ENPP2: variants seen among roughly 807,000 people sequenced by gnomAD.
ENPP2 encodes autotaxin.
In ENPP2, 51 loss-of-function variants were observed where a neutral mutation model predicts 120.2. The ratio of observed to expected loss-of-function variants is 0.42; its 90% CI spans 0.34 to 0.54. The LOEUF is 0.54. Among genes scored for constraint, ENPP2 ranks in the 20% least tolerant of loss-of-function variants. The pLI, the probability that ENPP2 is intolerant of heterozygous loss-of-function variation, is 0.04. For missense variants in ENPP2, 920 were observed against 1,066.5 expected (o/e 0.86, Z 1.91); for synonymous variants, 365 against 366.4 (o/e 1.00, Z 0.04).
intron 19 of ENPP2, among the ~76,000 whole-genome samples, chr8:119,576,647 G>T (rs984586300): frequency 1.8e-4 from 28 of 152,212 alleles, no homozygotes; most frequent in African/African-American, 6.8e-4. Flanking sequence ...TTCTTGCAGT[G>T]AAAATTATAC....
intron 2 of ENPP2, 27 bp downstream of exon 2, chr8:119,638,398 G>T: frequency 8.5e-7 from 1 of 1,178,672 alleles, no homozygotes; most frequent in Non-Finnish European, 1.3e-6. Context: ...TTAAAAAATT[G>T]AAAATGCAAA....
chr8:119,604,966 G>T (rs1814595102), intron 9 of ENPP2, among the ~76,000 whole-genome samples: 2 of 151,926 alleles, frequency 1.3e-5, no homozygotes, highest in African/African-American at 2.4e-5. Context: ...GTAGAGAGGG[G>T]GTTTCACCGT....
intron 1 of ENPP2, among the ~76,000 whole-genome samples, chr8:119,647,722 T>C (rs1358284246): frequency 1.3e-5 from 2 of 152,044 alleles, no homozygotes; most frequent in African/African-American, 2.4e-5. Flanking sequence ...TTGGATTCTG[T>C]GGCCGGGCGC....
intron 1 of ENPP2, among the ~76,000 whole-genome samples, chr8:119,665,014 C>T (rs1818029770): frequency 6.6e-6 from 1 of 152,168 alleles, no homozygotes; most frequent in South Asian, 2.1e-4. Flanking sequence ...GGCTTCACTC[C>T]ATGGCTTGGT....
At chr8:119,621,549 T>G in intron 3 of ENPP2, 30 bp from the exon 4 acceptor site, 1 of 1,608,222 alleles carries the variant, frequency 6.2e-7, no homozygotes, top group Admixed American at 1.7e-5. Context: ...ACATTTTCAC[T>G]GCTGCACACT....
At chr8:119,600,569 T>A (rs967186298) in intron 11 of ENPP2, 109 bp downstream of exon 11, 3 of 716,788 alleles carry the variant, frequency 4.2e-6, no homozygotes, top group Non-Finnish European at 7.2e-6. Context: ...TGCATAAACC[T>A]TGTAGATACA....
chr8:119,649,546 C>T (rs1056989040), intron 1 of ENPP2, among the ~76,000 whole-genome samples: 1 of 152,040 alleles, frequency 6.6e-6, no homozygotes, highest in Non-Finnish European at 1.5e-5. Context: ...TTAAAGAAGA[C>T]CTAAATTTGG....
Position 119,574,324 on chromosome 8 carries a change from G to C in ENPP2, c.1781-3483C>G, listed in dbSNP as rs1587359461. 2.0e-5 allele frequency among the ~76,000 whole-genome samples: 3 copies of C among 151,500 alleles called. No individual in the cohort carries two copies. The South Asian group carries it at 6.3e-4, about 32-fold the overall frequency. On this transcript the variant is annotated intron_variant, in intron 19 of 24. Coordinates refer to ENST00000075322, the MANE Select transcript of ENPP2 (RefSeq NM_001040092.3). ...CATTGAGATCTTTATCTCGAGACCAGCAACCCTGGAGACTAGCCTGCAAGC... is the reference window on the plus strand; with the variant it reads ...CATTGAGATCTTTATCTCGAGACCACCAACCCTGGAGACTAGCCTGCAAGC...
chr8:119,632,673 A>T (rs1032543564), intron 2 of ENPP2, among the ~76,000 whole-genome samples: 2 of 152,386 alleles, frequency 1.3e-5, no homozygotes, highest in South Asian at 4.1e-4. Context: ...ATTTCATTCA[A>T]ATTCATAATT....
At chr8:119,661,895 A>T (rs1465563294) in intron 1 of ENPP2, among the ~76,000 whole-genome samples, 3 of 152,156 alleles carry the variant, frequency 2.0e-5, no homozygotes, top group Non-Finnish European at 1.5e-5. Flanking sequence ...GGAGGTCATG[A>T]TACTTAATGA....
intron 1 of ENPP2, among the ~76,000 whole-genome samples, chr8:119,672,015 G>C (rs1340326541): frequency 6.6e-6 from 1 of 152,156 alleles, no homozygotes; most frequent in Non-Finnish European, 1.5e-5. Context: ...GGGAGGGGGG[G>C]AGTTGAAAAT....
intron 13 of ENPP2, 115 bp from the exon 14 acceptor site, chr8:119,587,190 T>C (rs1813175476): frequency 1.2e-6 from 1 of 833,328 alleles, no homozygotes; most frequent in Non-Finnish European, 2.0e-6. Flanking sequence ...AGACTATCAC[T>C]TTAGTGTTTT....
intron 1 of ENPP2, among the ~76,000 whole-genome samples, chr8:119,657,614 C>T (rs778594372): frequency 2.0e-5 from 3 of 152,192 alleles, no homozygotes; most frequent in Non-Finnish European, 4.4e-5. Flanking sequence ...TCAAAGTTCA[C>T]GATGCAATAG....
intron 15 of ENPP2, 45 bp downstream of exon 15, chr8:119,586,141 G>T (rs1813092524): frequency 6.3e-7 from 1 of 1,592,082 alleles, no homozygotes; most frequent in East Asian, 2.2e-5. Flanking sequence ...TGCCAAAGGG[G>T]TGGTTGTGGA....
At chr8:119,603,485 C>T (rs942766511) in intron 9 of ENPP2, among the ~76,000 whole-genome samples, 3 of 152,240 alleles carry the variant, frequency 2.0e-5, no homozygotes, top group African/African-American at 7.2e-5. Flanking sequence ...GGCCAGAGTG[C>T]TTGGGTTTGT....
upstream of ENPP2, among the ~76,000 whole-genome samples, chr8:119,643,212 A>G (rs1817335030): frequency 6.6e-6 from 1 of 152,236 alleles, no homozygotes; most frequent in South Asian, 2.1e-4. Context: ...GAAAATTCAG[A>G]TAAAAACTGG....
At chr8:119,578,368 T>C (rs1406362260) in intron 19 of ENPP2, 1 of 152,194 alleles carries the variant, frequency 6.6e-6, no homozygotes, top group Non-Finnish European at 1.5e-5. Context: ...TTATTGTTTA[T>C]AATGAATTGT....
At chr8:119,647,967 TGCAC>T (rs1383666672) in intron 1 of ENPP2, among the ~76,000 whole-genome samples, 27 of 152,170 alleles carry the variant, frequency 1.8e-4, no homozygotes, top group African/African-American at 6.5e-4. Context: ...ATCATGCCAC[TGCAC>T]TCCAGCCTGG....
At chr8:119,615,914 TA>T (rs1815423562) in intron 8 of ENPP2, among the ~76,000 whole-genome samples, 1 of 152,124 alleles carries the variant, frequency 6.6e-6, no homozygotes, top group African/African-American at 2.4e-5. Context: ...ATCTCACTTT[TA>T]TAATCATAGC....
Sources: allele counts gnomAD v4.1 joint callset (sites outside exome capture counted in the v4.1 genomes callset), GRCh38; gene constraint gnomAD v4.1.1; transcripts MANE v1.5; gene names NCBI Gene and HGNC (gene_info 2026-07-23, HGNC 2026-07-21).